SH2D4A: variants seen among roughly 807,000 people sequenced by gnomAD.
SH2D4A encodes SH2 domain-containing protein 4A.
Under a neutral mutation model 64.7 loss-of-function variants are expected in SH2D4A, and 70 were observed. That is an observed-to-expected ratio of 1.08 (90% CI 0.89 to 1.32). The LOEUF is 1.32. Ranked by LOEUF, SH2D4A falls within the 40% of genes most tolerant of loss-of-function variation. The pLI is 0.00. For missense variants in SH2D4A, 706 were observed against 540.1 expected, an observed-to-expected ratio of 1.31 and a Z score of -3.04; for synonymous variants, 268 against 200.7, an observed-to-expected ratio of 1.34 and a Z score of -2.83.
At position 19,361,298 on chromosome 8, in the gene SH2D4A, G is replaced by A. The variant is rs762006518; in HGVS notation, c.690G>A (p.Ser230=). 6.2e-6 allele frequency: 10 copies of A among 1,611,048 alleles called. No individual in the cohort carries two copies. The highest frequency in any genetic ancestry group is 2.7e-5 in the African/African-American group (2 of 74,696). Residue 230 remains serine, a synonymous_variant, in exon 6 of 10, where the codon TCG becomes TCA. Transcript: ENST00000265807. ...KQICKSWKED[S]EWQASLRKSK... ...TTTGTAAGAGCTGGAAAGAAGACTC[G>A]GAATGGCAGGCATCTCGTGAGTACC...
chr8:19,365,225 C>A (rs192194798), intron 7 of SH2D4A, among the ~76,000 whole-genome samples: 64 of 152,166 alleles, frequency 4.2e-4, no homozygotes, highest in African/African-American at 1.5e-3. Context: ...AACACAAAGG[C>A]GGATGTTTTT....
chr8:19,359,666 G>C (rs1315167103), intron 5 of SH2D4A, among the ~76,000 whole-genome samples: 3 of 151,428 alleles, frequency 2.0e-5, no homozygotes, highest in East Asian at 3.9e-4. Flanking sequence ...AACAAAAGGA[G>C]CTTAGCTCTA....
chr8:19,344,030 G>A (rs2052571673), intron 4 of SH2D4A, among the ~76,000 whole-genome samples: 1 of 152,142 alleles, frequency 6.6e-6, no homozygotes, highest in Non-Finnish European at 1.5e-5. Context: ...ACAGTCTGAT[G>A]GGGTAAAGTG....
chr8:19,346,845 CA>C (rs1208887176), intron 4 of SH2D4A, among the ~76,000 whole-genome samples: 1 of 152,168 alleles, frequency 6.6e-6, no homozygotes, highest in Non-Finnish European at 1.5e-5. Flanking sequence ...CTCTCACCCC[CA>C]ACCCACATCC....
At chr8:19,374,866 T>C (rs1302781927) in intron 8 of SH2D4A, among the ~76,000 whole-genome samples, 1 of 152,200 alleles carries the variant, frequency 6.6e-6, no homozygotes, top group African/African-American at 2.4e-5. Flanking sequence ...AGCTGTCTAA[T>C]AATGCCTTGC....
At chr8:19,338,548 G>T (rs573268917) in intron 4 of SH2D4A, among the ~76,000 whole-genome samples, 6 of 152,158 alleles carry the variant, frequency 3.9e-5, no homozygotes, top group Non-Finnish European at 7.3e-5. Flanking sequence ...AGGGAGATGT[G>T]GCTATAGGAT....
Position 19,319,348 on chromosome 8 carries a change from A to T in SH2D4A, c.-200A>T. ...GTGGGCTCTTTCTCTCTGCAGGTTC[A>T]GTGAACAGCATTTTGGACAGGACAT... On this transcript the variant is annotated 5_prime_UTR_variant, in exon 2 of 10. Coordinates refer to ENST00000265807, the MANE Select transcript of SH2D4A (RefSeq NM_022071.4). 8.1e-7 allele frequency: 1 copy of T among 1,227,958 alleles called. No homozygotes were observed. Among genetic ancestry groups the T allele is most frequent in the Non-Finnish European group, 1.0e-6 (1 of 984,208 alleles). The allele number at this position is 1,227,958 out of a possible 1,614,324, so 76.1% of individuals were successfully genotyped here.
chr8:19,317,726 G>A (rs1234028105), intron 1 of SH2D4A, among the ~76,000 whole-genome samples: 2 of 152,108 alleles, frequency 1.3e-5, no homozygotes, highest in Admixed American at 1.3e-4. Context: ...ATGACAAGGT[G>A]AACGAAGAGA....
At chr8:19,379,359 T>A (rs28874035) in intron 8 of SH2D4A, among the ~76,000 whole-genome samples, 21,499 of 152,182 alleles carry the variant, frequency 0.14, 1,708 homozygotes, top group African/African-American at 0.2. Flanking sequence ...TCCTCCCTTT[T>A]CAAATCAGAA....
chr8:19,393,287 G>T, intron 8 of SH2D4A, 31 bp from the exon 9 acceptor site: 2 of 1,607,528 alleles, frequency 1.2e-6, no homozygotes, highest in Non-Finnish European at 1.7e-6. Context: ...TGATTTGGCT[G>T]AAATACCTGC....
intron 7 of SH2D4A, 75 bp from the exon 8 acceptor site, chr8:19,373,455 T>TATATATATATATATATACACACCC: frequency 1.0e-6 from 1 of 962,228 alleles, no homozygotes. Flanking sequence ...TATATATATA[T>TATATATATATATATATACACACCC]ATATATATAT....
intron 8 of SH2D4A, among the ~76,000 whole-genome samples, chr8:19,390,415 T>C (rs1178103186): frequency 1.3e-5 from 2 of 152,054 alleles, no homozygotes; most frequent in African/African-American, 4.8e-5. Flanking sequence ...ATATCTAACA[T>C]TAGATTTTGG....
intron 2 of SH2D4A, among the ~76,000 whole-genome samples, chr8:19,323,343 G>A (rs2052222910): frequency 6.6e-6 from 1 of 151,666 alleles, no homozygotes; most frequent in South Asian, 2.1e-4. Context: ...TGTATATCTT[G>A]GGTAAAGTAA....
chr8:19,373,801 T>C, intron 8 of SH2D4A, 141 bp downstream of exon 8: 2 of 1,182,100 alleles, frequency 1.7e-6, no homozygotes, highest in East Asian at 2.6e-5. Context: ...AAAGCAGTTT[T>C]TCAAAGACGC....
chr8:19,321,086 T>C (rs1349229658), intron 2 of SH2D4A, among the ~76,000 whole-genome samples: 1 of 152,184 alleles, frequency 6.6e-6, no homozygotes, highest in East Asian at 1.9e-4. Context: ...ATGAAACACC[T>C]CCTGTTTCAG....
At chr8:19,382,501 C>A (rs1421416064) in intron 8 of SH2D4A, among the ~76,000 whole-genome samples, 1 of 152,106 alleles carries the variant, frequency 6.6e-6, no homozygotes, top group African/African-American at 2.4e-5. Context: ...ATATTCAACG[C>A]TTATAAAATA....
At chr8:19,343,654 C>T (rs995991761) in intron 4 of SH2D4A, among the ~76,000 whole-genome samples, 1 of 152,222 alleles carries the variant, frequency 6.6e-6, no homozygotes, top group African/African-American at 2.4e-5. Context: ...GGGCTGCACA[C>T]TTCAGTGCCC....
At chr8:19,332,011 T>A (rs1347584794) in intron 2 of SH2D4A, among the ~76,000 whole-genome samples, 2 of 152,110 alleles carry the variant, frequency 1.3e-5, no homozygotes, top group African/African-American at 4.8e-5. Flanking sequence ...AAAAATTAGC[T>A]GGGCATGGTA....
chr8:19,363,566 T>C (rs538772175), intron 6 of SH2D4A, among the ~76,000 whole-genome samples: 1 of 152,344 alleles, frequency 6.6e-6, no homozygotes, highest in South Asian at 2.1e-4. Flanking sequence ...ATTTTTTGTC[T>C]GTCAGGTTGC....
Sources: allele counts gnomAD v4.1 joint callset (sites outside exome capture counted in the v4.1 genomes callset), GRCh38; gene constraint gnomAD v4.1.1; transcripts MANE v1.5; gene names NCBI Gene and HGNC (gene_info 2026-07-23, HGNC 2026-07-21).